BRIP1: variants seen among roughly 807,000 people sequenced by gnomAD.
The protein encoded by BRIP1 is BRCA1 interacting DNA helicase 1.
Under a neutral mutation model 119.7 loss-of-function variants are expected in BRIP1, and 88 were observed. The observed-to-expected ratio is 0.74, with a 90% confidence interval of 0.62 to 0.88. The LOEUF is 0.88. BRIP1 is among the 40% of genes least tolerant of loss of function. BRIP1 has a pLI of 0.00. For missense variants in BRIP1, 1,259 were observed against 1,455.4 expected (o/e 0.87, Z 2.20); for synonymous variants, 443 against 496.5 (o/e 0.89, Z 1.43).
rs768910110 is a variant in BRIP1, at chr17:61,680,480, C to CTTTTTTT, written c.*2809_*2815dup. 1.6e-3 allele frequency among the ~76,000 whole-genome samples: 203 copies of CTTTTTTT among 124,050 alleles called. 9 individuals carry two copies. Among genetic ancestry groups the CTTTTTTT allele is most frequent in the African/African-American group, 5.6e-3 (179 of 31,722 alleles). 81.4% of individuals were successfully genotyped at this position (124,050 alleles called of 152,430 possible). On this transcript the variant is annotated 3_prime_UTR_variant, in exon 20 of 20. Transcript: ENST00000259008. ...AGTTTACCAATTCTAAAGGTAATTT[C>CTTTTTTT]TTTTTTTTTTTTTTTTTGAGACGGA...
rs1231562370 is a variant in BRIP1, at chr17:61,751,982, T to C, written c.2098-7391A>G. On this transcript the variant is annotated intron_variant, in intron 14 of 19. Coordinates refer to ENST00000259008, the MANE Select transcript of BRIP1 (RefSeq NM_032043.3). The surrounding 1 kb of genome is among the most constrained non-coding windows in gnomAD (Gnocchi z 6.7). ...CGGGGTTTCACCATATTGGTCAGGC[T>C]GGTCTCGAACTCCTGACCTCAGGTG... Among the ~76,000 whole-genome samples, 4 of 152,260 alleles carry C rather than the reference T, an allele frequency of 2.6e-5. No individual in the cohort carries two copies. In the East Asian group the frequency reaches 7.7e-4, roughly 29 times the overall value.
At position 61,722,414 on chromosome 17, in the gene BRIP1, T is replaced by A. The variant is rs9908837; in HGVS notation, c.2380-6351A>T. 0.04 allele frequency among the ~76,000 whole-genome samples: 6,148 copies of A among 152,242 alleles called. 462 individuals are homozygous for A. Among genetic ancestry groups the A allele is most frequent in the African/African-American group, 0.14 (5,833 of 41,492 alleles). ...CCATAGTAAATATTAGATGATATGT[T>A]AATACCCTCCCTGGAAATTCAGCAA... On this transcript the variant is annotated intron_variant, in intron 16 of 19. Transcript: ENST00000259008. The surrounding 1 kb of genome is among the most constrained non-coding windows in gnomAD (Gnocchi z 4.6).
intron 17 of BRIP1, among the ~76,000 whole-genome samples, chr17:61,702,436 T>C (rs1603286175): frequency 6.6e-6 from 1 of 152,174 alleles, no homozygotes; most frequent in African/African-American, 2.4e-5. Context: ...AGCTCAACTC[T>C]TAGTTCAAAC....
At chr17:61,696,745 G>A (rs1370159740) in intron 17 of BRIP1, among the ~76,000 whole-genome samples, 1 of 151,308 alleles carries the variant, frequency 6.6e-6, no homozygotes, top group Non-Finnish European at 1.5e-5. Flanking sequence ...CAGCACTTTG[G>A]GAGGCCAAGG....
intron 5 of BRIP1, among the ~76,000 whole-genome samples, chr17:61,847,769 C>T (rs2078756356): frequency 6.6e-6 from 1 of 152,130 alleles, no homozygotes; most frequent in Non-Finnish European, 1.5e-5. Flanking sequence ...TCTTTCCAAA[C>T]TGTATCCATG....
rs932611326 is a variant in BRIP1 at position 61,734,812 on chromosome 17, T to C, written c.2379+8201A>G. On this transcript the variant is annotated intron_variant, in intron 16 of 19. Transcript: ENST00000259008. This position sits in a 1 kb window ranked among gnomAD's most constrained non-coding sequence, Gnocchi z 5.2. ...TTTTACTTCCATAATCTTTCTCAAA[T>C]TTAAGAAAAAATTTTAGTATCATAA... is the stretch of plus-strand genomic sequence containing the variant. Among the ~76,000 whole-genome samples the C allele has an allele frequency of 6.6e-6, 1 of 152,192 alleles. No homozygotes were observed. The highest frequency in any genetic ancestry group is 1.5e-5 in the Non-Finnish European group (1 of 68,018).
At chr17:61,777,397 C>A (rs189153408) in intron 13 of BRIP1, among the ~76,000 whole-genome samples, 52 of 152,162 alleles carry the variant, frequency 3.4e-4, no homozygotes, top group Non-Finnish European at 6.9e-4. Context: ...TGGGTGTCCT[C>A]TAATTCAATT....
rs1431392437 is a variant in BRIP1 at position 61,757,166 on chromosome 17, G to GT, written c.2098-12576dup. Among the ~76,000 whole-genome samples, 3 of 152,142 alleles carry GT rather than the reference G, an allele frequency of 2.0e-5. No individual in the cohort carries two copies. The highest frequency in any genetic ancestry group is 7.2e-5 in the African/African-American group (3 of 41,436). Reference sequence around the variant, plus strand: ...CTAATAAAAATGAAAAAGTAGTAGTGTTTTTTAAATAACTTTTTTAGTTAC... The same window carrying GT: ...CTAATAAAAATGAAAAAGTAGTAGTGTTTTTTTAAATAACTTTTTTAGTTAC... On this transcript the variant is annotated intron_variant, in intron 14 of 19. Coordinates refer to ENST00000259008, the MANE Select transcript of BRIP1 (RefSeq NM_032043.3). The surrounding 1 kb of genome is among the most constrained non-coding windows in gnomAD (Gnocchi z 4.3).
At chr17:61,858,201 A>T (rs1363417044) in intron 3 of BRIP1, among the ~76,000 whole-genome samples, 1 of 152,164 alleles carries the variant, frequency 6.6e-6, no homozygotes, top group Admixed American at 6.5e-5. Context: ...ATTTATTTTT[A>T]AAAATAATCA....
In BRIP1 at chr17:61,708,800, G is replaced by A. The variant is rs1391377484; in HGVS notation, c.2492+7151C>T. On this transcript the variant is annotated intron_variant, in intron 17 of 19. Transcript: ENST00000259008. The surrounding 1 kb of genome is among the most constrained non-coding windows in gnomAD (Gnocchi z 4.4). ...TATAGGGTAATTTGGCAGGAACTGG[G>A]CCAATTTGTAGATATTTTCTCATGG... Among the ~76,000 whole-genome samples, 1 of 152,098 alleles carries A rather than the reference G, an allele frequency of 6.6e-6. No individual in the cohort carries two copies. The highest frequency in any genetic ancestry group is 1.5e-5 in the Non-Finnish European group (1 of 68,018).
rs2145236151 is a variant in BRIP1 at position 61,793,505 on chromosome 17, TG to T, written c.1473+91del. On this transcript the variant is annotated intron_variant, in intron 10 of 19. Transcript: ENST00000259008. The surrounding 1 kb of genome is among the most constrained non-coding windows in gnomAD (Gnocchi z 5.2). ...ATTAAATTGCTATATTTAACAATTC[TG>T]GGTTACTCACTAGATTTAATCTGGA... 8.2e-7 allele frequency: 1 copy of T among 1,225,398 alleles called. No individual in the cohort carries two copies. The highest frequency in any genetic ancestry group is 1.1e-6 in the Non-Finnish European group (1 of 875,822). 75.9% of individuals were successfully genotyped at this position (1,225,398 alleles called of 1,614,324 possible). A position where few individuals can be genotyped will look rare whatever the true frequency, so the allele number is the denominator to read the frequency against.
At chr17:61,763,199 A>AT (rs2077302960) in intron 14 of BRIP1, among the ~76,000 whole-genome samples, 1 of 152,090 alleles carries the variant, frequency 6.6e-6, no homozygotes, top group Admixed American at 6.6e-5. Flanking sequence ...ACTTAGTCTA[A>AT]TGTCCTCCAG....
At position 61,744,698 on chromosome 17, in the gene BRIP1, G is replaced by T; in HGVS notation, c.2098-107C>A. On this transcript the variant is annotated intron_variant, in intron 14 of 19. Transcript: ENST00000259008. This position sits in a 1 kb window ranked among gnomAD's most constrained non-coding sequence, Gnocchi z 5.0. Reference sequence around the variant, plus strand: ...ACGGCAAGTATATTAATCTCTCTGTGTCTTTTCTCATTTATAAAATGAGGA... The same window carrying T: ...ACGGCAAGTATATTAATCTCTCTGTTTCTTTTCTCATTTATAAAATGAGGA... 1 of 980,246 alleles carries T rather than the reference G, an allele frequency of 1.0e-6. No homozygotes were observed. The highest frequency in any genetic ancestry group is 1.6e-6 in the Non-Finnish European group (1 of 622,976). The allele number at this position is 980,246 out of a possible 1,614,324, so 60.7% of individuals were successfully genotyped here. A position where few individuals can be genotyped will look rare whatever the true frequency, so the allele number is the denominator to read the frequency against.
chr17:61,737,594 A>G (rs1161845859), intron 16 of BRIP1, among the ~76,000 whole-genome samples: 1 of 152,206 alleles, frequency 6.6e-6, no homozygotes, highest in East Asian at 1.9e-4. Context: ...GAGGCATACA[A>G]ATATTTTCAA....
At chr17:61,702,961 G>A (rs965952754) in intron 17 of BRIP1, among the ~76,000 whole-genome samples, 19 of 146,650 alleles carry the variant, frequency 1.3e-4, no homozygotes, top group African/African-American at 3.5e-4. Flanking sequence ...GTAACCTTGC[G>A]AGCATCTGTT....
At chr17:61,813,331 T>C (rs1299467991) in intron 6 of BRIP1, among the ~76,000 whole-genome samples, 1 of 152,100 alleles carries the variant, frequency 6.6e-6, no homozygotes, top group Non-Finnish European at 1.5e-5. Flanking sequence ...CCAACCACAC[T>C]GCAAATTCCT....
rs145404970 is a variant in BRIP1 at position 61,701,909 on chromosome 17, A to G, written c.2493-8397T>C. Among the ~76,000 whole-genome samples, 2 of 152,174 alleles carry G rather than the reference A, an allele frequency of 1.3e-5. No homozygotes were observed. The highest frequency in any genetic ancestry group is 2.4e-5 in the African/African-American group (1 of 41,440). On this transcript the variant is annotated intron_variant, in intron 17 of 19. Transcript: ENST00000259008. The surrounding 1 kb of genome is among the most constrained non-coding windows in gnomAD (Gnocchi z 5.1). ...TGTTTTGCTCCCTCCAATGACTGTC[A>G]GGTTGTTGGCTTTCCTCACGATTTC...
At chr17:61,854,942 C>T (rs1490562378) in intron 4 of BRIP1, among the ~76,000 whole-genome samples, 7 of 152,032 alleles carry the variant, frequency 4.6e-5, no homozygotes, top group Admixed American at 4.6e-4. Context: ...TAAAAAGAAA[C>T]AAACTATTAA....
chr17:61,855,668 A>G (rs2078886678), intron 4 of BRIP1, among the ~76,000 whole-genome samples: 1 of 152,046 alleles, frequency 6.6e-6, no homozygotes, highest in African/African-American at 2.4e-5. Context: ...AAGGTTGTAT[A>G]TAAATATTAT....
Sources: gnomAD v4.1 joint callset for allele counts (sites outside exome capture counted in the v4.1 genomes callset) on GRCh38, gnomAD v4.1.1 for gene constraint, Gnocchi (gnomAD v3.1) non-coding constraint, MANE v1.5 for transcripts, NCBI Gene and HGNC (gene_info 2026-07-23, HGNC 2026-07-21) for gene names.